DLG2: variants seen among roughly 807,000 people sequenced by gnomAD.
DLG2 encodes the protein disks large homolog 2.
A neutral mutation model predicts 132.5 loss-of-function variants in DLG2; 45 were observed. The observed-to-expected ratio is 0.34, with a 90% CI of 0.27 to 0.44. The LOEUF (loss-of-function observed/expected upper bound fraction) is 0.44. Among genes scored for constraint, DLG2 ranks in the 20% least tolerant of loss-of-function variants. The probability of loss-of-function intolerance (pLI) is 1.00; values close to 1 mark genes in which losing one functional copy is unlikely to be tolerated. For missense variants in DLG2, 1,045 were observed against 1,196.9 expected (o/e 0.87, Z 1.87); for synonymous variants, 424 against 419.6 (o/e 1.01, Z -0.13).
intron 17 of DLG2, among the ~76,000 whole-genome samples, chr11:83,818,854 G>A (rs1305507161): frequency 6.6e-6 from 1 of 152,082 alleles, no homozygotes; most frequent in Non-Finnish European, 1.5e-5. Flanking sequence ...AGGAAAAGGG[G>A]AAAGATAAAT....
chr11:85,223,150 T>C (rs1294045852), intron 4 of DLG2, among the ~76,000 whole-genome samples: 1 of 152,184 alleles, frequency 6.6e-6, no homozygotes. Context: ...ACCTATAAGG[T>C]ATAATCTATT....
At chr11:84,779,241 T>G (rs1057001451) in intron 6 of DLG2, among the ~76,000 whole-genome samples, 1 of 152,014 alleles carries the variant, frequency 6.6e-6, no homozygotes, top group African/African-American at 2.4e-5. Flanking sequence ...CACACACACA[T>G]ATCCTATTAG....
At chr11:83,524,490 G>A (rs1418764902) in intron 21 of DLG2, among the ~76,000 whole-genome samples, 2 of 152,034 alleles carry the variant, frequency 1.3e-5, no homozygotes, top group African/African-American at 2.4e-5. Context: ...ATGGTCCTGG[G>A]TCAGGTCTTT....
At chr11:84,347,057 A>G (rs7115400) in intron 7 of DLG2, among the ~76,000 whole-genome samples, 52,882 of 152,044 alleles carry the variant, frequency 0.35, 11,117 homozygotes, top group African/African-American at 0.59. Context: ...GGTCACATAC[A>G]GCCATCTAAT....
At chr11:84,682,170 C>T (rs562773903) in intron 6 of DLG2, among the ~76,000 whole-genome samples, 31 of 152,116 alleles carry the variant, frequency 2.0e-4, no homozygotes, top group Non-Finnish European at 4.3e-4. Context: ...TTAAGCCCCA[C>T]CTCCAACACT....
chr11:85,620,906 A>G lies in DLG2; in HGVS notation c.-93+5681T>C, dbSNP rs60063864. ...AGATAATTGATGAAAATGGCTAAACAACAGATTTTCAATTCAGACAAAATA... is the reference window on the plus strand; with the variant it reads ...AGATAATTGATGAAAATGGCTAAACGACAGATTTTCAATTCAGACAAAATA... On this transcript the variant is annotated intron_variant, in intron 2 of 27. Transcript: ENST00000376104. Among the ~76,000 whole-genome samples, 8 of 152,384 alleles carry G rather than the reference A, an allele frequency of 5.2e-5. No homozygotes were observed. The East Asian group carries it at 1.5e-3, about 29-fold the overall frequency.
intron 6 of DLG2, among the ~76,000 whole-genome samples, chr11:84,721,073 C>A (rs147986391): frequency 0.054 from 8,215 of 152,132 alleles, 299 homozygotes; most frequent in Non-Finnish European, 0.082. Context: ...GCTGACGTGA[C>A]CCCGAGACTG....
At chr11:84,446,599 C>A (rs1184939794) in intron 7 of DLG2, among the ~76,000 whole-genome samples, 1 of 151,874 alleles carries the variant, frequency 6.6e-6, no homozygotes, top group Non-Finnish European at 1.5e-5. Flanking sequence ...ATACTCTCCC[C>A]ACAAAATAGG....
At chr11:85,120,573 T>G (rs1019781765) in intron 5 of DLG2, among the ~76,000 whole-genome samples, 4 of 152,068 alleles carry the variant, frequency 2.6e-5, no homozygotes, top group African/African-American at 9.7e-5. Context: ...ATGTCCTATT[T>G]AGAACTCTAT....
intron 9 of DLG2, among the ~76,000 whole-genome samples, chr11:84,117,943 T>C (rs1265710383): frequency 1.3e-5 from 2 of 151,994 alleles, no homozygotes; most frequent in African/African-American, 4.8e-5. Flanking sequence ...GTGGCCTCTG[T>C]CTCCCAGGTT....
chr11:84,635,990 T>C (rs555306217), intron 6 of DLG2, among the ~76,000 whole-genome samples: 16 of 152,344 alleles, frequency 1.1e-4, no homozygotes, highest in South Asian at 6.2e-4. Context: ...GGACAAAATG[T>C]AGAACTTGGT....
intron 21 of DLG2, among the ~76,000 whole-genome samples, chr11:83,489,105 A>ACAGT (rs1000715906): frequency 3.3e-5 from 5 of 152,000 alleles, no homozygotes; most frequent in Non-Finnish European, 7.4e-5. Flanking sequence ...TCACAAAGAG[A>ACAGT]CAGTCAGATG....
At chr11:84,748,654 C>A (rs528809950) in intron 6 of DLG2, among the ~76,000 whole-genome samples, 2 of 152,136 alleles carry the variant, frequency 1.3e-5, no homozygotes, top group Non-Finnish European at 2.9e-5. Context: ...TCCTTTATTG[C>A]TGAGAGATGA....
Position 85,489,286 on chromosome 11 carries a change from T to C in DLG2, c.40+109371A>G, listed in dbSNP as rs561870023. Among the ~76,000 whole-genome samples the C allele has an allele frequency of 3.9e-5, 6 of 152,114 alleles. No individual in the cohort carries two copies. The South Asian group carries it at 1.2e-3, about 32-fold the overall frequency. On this transcript the variant is annotated intron_variant, in intron 3 of 27. Coordinates refer to ENST00000376104, the MANE Select transcript of DLG2 (RefSeq NM_001142699.3). The stretch of plus-strand genomic sequence containing the variant: ...CAAGAATAGCTACACTTACATCAGA[T>C]AAAATGGTCATGGACAGTGAAAAAA...
chr11:85,508,466 T>G (rs2093985299), intron 3 of DLG2, among the ~76,000 whole-genome samples: 1 of 152,034 alleles, frequency 6.6e-6, no homozygotes, highest in East Asian at 1.9e-4. Context: ...CCTTTCTACC[T>G]TAGGTATGTT....
At chr11:84,525,847 T>G (rs559988981) in intron 7 of DLG2, among the ~76,000 whole-genome samples, 2 of 152,318 alleles carry the variant, frequency 1.3e-5, no homozygotes, top group East Asian at 3.9e-4. Context: ...CCTAGCCAAC[T>G]ACTTGGCAAT....
At chr11:83,596,818 GT>G (rs59431316) in intron 19 of DLG2, among the ~76,000 whole-genome samples, 108,021 of 151,846 alleles carry the variant, frequency 0.71, 39,088 homozygotes, top group African/African-American at 0.85. Context: ...TTCTTTTTCT[GT>G]TTTTTTTCTG....
chr11:85,382,562 C>T (rs1182314436), intron 3 of DLG2, among the ~76,000 whole-genome samples: 1 of 151,694 alleles, frequency 6.6e-6, no homozygotes, highest in Non-Finnish European at 1.5e-5. Flanking sequence ...AAAAGGCAAC[C>T]CACCGATGAA....
intron 3 of DLG2, among the ~76,000 whole-genome samples, chr11:85,396,248 T>C (rs2087353544): frequency 6.6e-6 from 1 of 151,834 alleles, no homozygotes; most frequent in Non-Finnish European, 1.5e-5. Flanking sequence ...AAAGAAGACA[T>C]CCACACCGAA....
Sources: gnomAD v4.1 joint callset for allele counts (sites outside exome capture counted in the v4.1 genomes callset) on GRCh38, gnomAD v4.1.1 for gene constraint, MANE v1.5 for transcripts, NCBI Gene and HGNC (gene_info 2026-07-23, HGNC 2026-07-21) for gene names.